TCF20: variants seen among roughly 807,000 people sequenced by gnomAD.
TCF20 encodes the protein SPRE-binding protein.
Under a neutral mutation model 148.6 loss-of-function variants are expected in TCF20, and 3 were observed. The ratio of observed to expected loss-of-function variants is 0.02; its 90% CI spans 0.01 to 0.05. The LOEUF is 0.05. Ranked by LOEUF, TCF20 falls within the 10% of genes least tolerant of loss-of-function variation. The pLI is 1.00. For missense variants in TCF20, 2,350 were observed against 2,429.3 expected (o/e 0.97, Z 0.69); for synonymous variants, 1,049 against 909.5 (o/e 1.15, Z -2.76).
In TCF20 at chr22:42,250,319, G is replaced by A. The variant is rs978352575; in HGVS notation, c.-37+20020C>T. On this transcript the variant is annotated intron_variant, in intron 1 of 5. Coordinates refer to ENST00000677622, the MANE Select transcript of TCF20 (RefSeq NM_001378418.1). ...AATTAGCCAGGCGTGGTGGCGGGGC[G>A]CCTGTAATCCCAGCTACTTGGAAGG... Among the ~76,000 whole-genome samples, 20 of 151,848 alleles carry A rather than the reference G, an allele frequency of 1.3e-4. No individual in the cohort carries two copies. In the East Asian group the frequency reaches 1.4e-3, roughly 10 times the overall value.
chr22:42,325,005 G>A (rs1041348160), intron 1 of TCF20, among the ~76,000 whole-genome samples: 1 of 152,238 alleles, frequency 6.6e-6, no homozygotes, highest in Non-Finnish European at 1.5e-5. Context: ...GTGCCTGAGA[G>A]TGCAGACCCG....
At chr22:42,329,528 G>A (rs1383072762) in intron 1 of TCF20, among the ~76,000 whole-genome samples, 3 of 152,258 alleles carry the variant, frequency 2.0e-5, no homozygotes, top group Admixed American at 1.3e-4. Flanking sequence ...GAGCCAGAAC[G>A]TGGGCTTTGT....
chr22:42,168,805 A>G, intron 4 of TCF20, 69 bp from the exon 5 acceptor site: 1 of 1,497,680 alleles, frequency 6.7e-7, no homozygotes, highest in Non-Finnish European at 8.9e-7. Flanking sequence ...GGGAGGGCAA[A>G]GGGAGGACAG....
chr22:42,195,499 ACT>A (rs1491557368), intron 2 of TCF20, among the ~76,000 whole-genome samples: 1 of 149,876 alleles, frequency 6.7e-6, no homozygotes, highest in Non-Finnish European at 1.5e-5. Context: ...AATATTACAT[ACT>A]TTTTTTTTTT....
chr22:42,301,996 A>C (rs1284742036), intron 1 of TCF20, among the ~76,000 whole-genome samples: 1 of 152,184 alleles, frequency 6.6e-6, no homozygotes, highest in Non-Finnish European at 1.5e-5. Context: ...CCCAGAGGAA[A>C]GGCCTCTTGG....
At chr22:42,341,209 A>G (rs1295588028) in intron 1 of TCF20, among the ~76,000 whole-genome samples, 1 of 151,904 alleles carries the variant, frequency 6.6e-6, no homozygotes, top group Admixed American at 6.6e-5. Flanking sequence ...ACCCTCTCCA[A>G]TCAGCCAGCT....
intron 1 of TCF20, among the ~76,000 whole-genome samples, chr22:42,300,325 T>A (rs1927314809): frequency 6.6e-6 from 1 of 151,568 alleles, no homozygotes; most frequent in South Asian, 2.1e-4. Flanking sequence ...AGCCCAGATA[T>A]CAACAGAAGC....
intron 1 of TCF20, among the ~76,000 whole-genome samples, chr22:42,280,198 C>T (rs556158983): frequency 6.5e-4 from 99 of 152,226 alleles, no homozygotes; most frequent in Non-Finnish European, 1.2e-3. Context: ...ACAAGAGAAT[C>T]ACAGCCCCTT....
At chr22:42,177,007 AAC>A (rs1936491966) in intron 3 of TCF20, among the ~76,000 whole-genome samples, 1 of 152,236 alleles carries the variant, frequency 6.6e-6, no homozygotes, top group Admixed American at 6.5e-5. Flanking sequence ...AAATGTTCCC[AAC>A]ACAGACATGT....
chr22:42,186,637 G>A (rs867676579), intron 2 of TCF20, among the ~76,000 whole-genome samples: 2 of 152,162 alleles, frequency 1.3e-5, no homozygotes, highest in Admixed American at 1.3e-4. Context: ...AAGTCTAGCT[G>A]CTGTATGTTT....
intron 1 of TCF20, among the ~76,000 whole-genome samples, chr22:42,229,105 G>A (rs995342965): frequency 6.6e-6 from 1 of 151,958 alleles, no homozygotes; most frequent in Non-Finnish European, 1.5e-5. Flanking sequence ...TGGAGAAGAG[G>A]AAAAGAAGCC....
intron 1 of TCF20, among the ~76,000 whole-genome samples, chr22:42,283,234 C>T (rs567055428): frequency 6.6e-6 from 1 of 152,348 alleles, no homozygotes; most frequent in South Asian, 2.1e-4. Context: ...CCTCCTTTGT[C>T]CCGCATCACC....
intron 1 of TCF20, among the ~76,000 whole-genome samples, chr22:42,217,802 G>A (rs1921960405): frequency 6.6e-6 from 1 of 152,204 alleles, no homozygotes; most frequent in Non-Finnish European, 1.5e-5. Flanking sequence ...TGAGAACTGA[G>A]GAAAGACTTC....
intron 1 of TCF20, among the ~76,000 whole-genome samples, chr22:42,339,307 C>A (rs1279251197): frequency 6.6e-6 from 1 of 152,190 alleles, no homozygotes; most frequent in African/African-American, 2.4e-5. Flanking sequence ...AGTGATATAT[C>A]CAAGGCCACA....
At chr22:42,331,183 C>T (rs532526812) in intron 1 of TCF20, among the ~76,000 whole-genome samples, 1 of 152,334 alleles carries the variant, frequency 6.6e-6, no homozygotes, top group Non-Finnish European at 1.5e-5. Context: ...CCGCGGAGCG[C>T]GACTGTCAAC....
Position 42,279,876 on chromosome 22 carries a change from T to C in TCF20, c.-37+3951A>G, listed in dbSNP as rs134891. 0.55 allele frequency among the ~76,000 whole-genome samples: 84,069 copies of C among 152,006 alleles called. 24,669 individuals carry two copies. The highest frequency in any genetic ancestry group is 0.66 in the Non-Finnish European group (44,558 of 67,966). On this transcript the variant is annotated intron_variant, in intron 1 of 5. Transcript: ENST00000359486. The surrounding 1 kb of genome is among the most constrained non-coding windows in gnomAD (Gnocchi z 4.3). ...AAGCCATGTGTGGGCTGGATGTGGC[T>C]CCCCAGCCCCGTAGACACCACCCCA...
chr22:42,324,130 G>GTTA (rs1569209913), intron 1 of TCF20, among the ~76,000 whole-genome samples: 4 of 93,376 alleles, frequency 4.3e-5, no homozygotes, highest in Admixed American at 1.9e-4. Flanking sequence ...GGTTATGGTG[G>GTTA]TGGTGGTGGT....
intron 3 of TCF20, 106 bp downstream of exon 3, chr22:42,179,490 CAAAAAAAAAAAAA>C (rs57857271): frequency 2.7e-6 from 1 of 369,016 alleles, no homozygotes; most frequent in Non-Finnish European, 4.5e-6. Context: ...TATGAAGTGA[CAAAAAAAAAAAAA>C]AAAAAAAAGA....
rs930219326 is a variant in TCF20 at position 42,317,911 on chromosome 22, C to T, written c.-37+25568G>A. Among the ~76,000 whole-genome samples the T allele has an allele frequency of 2.0e-5, 3 of 152,224 alleles. No individual in the cohort carries two copies. The highest frequency in any genetic ancestry group is 2.9e-5 in the Non-Finnish European group (2 of 68,014). On this transcript the variant is annotated intron_variant, in intron 1 of 1. Transcript: ENST00000515426. This position sits in a 1 kb window ranked among gnomAD's most constrained non-coding sequence, Gnocchi z 4.2. ...GCGGGGCACCCTCCTGGCTGCCTGC[C>T]GTGCATGCCTGTCCATCCCCTGGCA...
Sources: gnomAD v4.1 joint callset for allele counts (sites outside exome capture counted in the v4.1 genomes callset) on GRCh38, gnomAD v4.1.1 for gene constraint, Gnocchi (gnomAD v3.1) non-coding constraint, MANE v1.5 for transcripts, NCBI Gene and HGNC (gene_info 2026-07-23, HGNC 2026-07-21) for gene names.